SLC35E1: variants seen among roughly 807,000 people sequenced by gnomAD.
The protein encoded by SLC35E1 is solute carrier family 35, member E1.
SLC35E1 carries 12 observed loss-of-function variants against 31.0 expected under a neutral mutation model. The ratio of observed to expected loss-of-function variants is 0.39; its 90% CI spans 0.25 to 0.63. SLC35E1 has a LOEUF of 0.63. Ranked by LOEUF, SLC35E1 falls within the 20% of genes least tolerant of loss-of-function variation. SLC35E1 has a pLI of 0.52. For synonymous variants in SLC35E1, 257 were observed against 264.1 expected, an observed-to-expected ratio of 0.97 and a Z score of 0.26; for missense variants, 429 against 572.2, an observed-to-expected ratio of 0.75 and a Z score of 2.55.
intron 3 of SLC35E1, 25 bp from the exon 4 acceptor site, chr19:16,566,682 G>C: frequency 6.2e-7 from 1 of 1,606,224 alleles, no homozygotes; most frequent in African/African-American, 1.3e-5. Flanking sequence ...CCTCTTTAGA[G>C]GGTGATTAAA....
rs1417956894 is a variant in SLC35E1, at chr19:16,555,120, T to C, written c.1002+32A>G. 2 of 1,612,226 alleles carry C rather than the reference T, an allele frequency of 1.2e-6. No homozygotes were observed. Among genetic ancestry groups the C allele is most frequent in the Non-Finnish European group, 1.7e-6 (2 of 1,178,808 alleles). The stretch of plus-strand genomic sequence containing the variant: ...ACTTCCTGGGTGTTGGGGGGCCGGC[T>C]TCCTTCCCTGCCCAGCCTCTCAGAC... On this transcript the variant is annotated intron_variant, in intron 5 of 5. Transcript: ENST00000595753. The surrounding 1 kb of genome is among the most constrained non-coding windows in gnomAD (Gnocchi z 4.1).
intron 4 of SLC35E1, among the ~76,000 whole-genome samples, chr19:16,557,355 G>A (rs1037367441): frequency 2.0e-5 from 3 of 152,050 alleles, no homozygotes; most frequent in Admixed American, 6.6e-5. Flanking sequence ...CACCGCGCCC[G>A]GCTAATTTTT....
In SLC35E1 at chr19:16,550,360, G is replaced by A. The variant is rs930170107; in HGVS notation, c.*3319C>T. ...AGTGAGGTGGCTGAGAGGAAGGCAG[G>A]CCTGCAGATGAAAGCGTGGGAGTGG... On this transcript the variant is annotated 3_prime_UTR_variant, in exon 6 of 6. Coordinates refer to ENST00000595753, the MANE Select transcript of SLC35E1 (RefSeq NM_024881.5). 9 of 152,522 alleles carry A rather than the reference G, an allele frequency of 5.9e-5. No individual in the cohort carries two copies. Among genetic ancestry groups the A allele is most frequent in the African/African-American group, 2.2e-4 (9 of 41,458 alleles). The allele number at this position is 152,522 out of a possible 1,614,324, so 9.4% of individuals were successfully genotyped here.
chr19:16,571,095 C>CAA (rs57729159), intron 2 of SLC35E1, among the ~76,000 whole-genome samples: 6 of 67,228 alleles, frequency 8.9e-5, no homozygotes, highest in African/African-American at 2.2e-4. Context: ...AACTCCGTCT[C>CAA]AAAAAAAAAA....
In SLC35E1 at chr19:16,566,518, G is replaced by A; in HGVS notation, c.756+14C>T. 1 of 1,612,582 alleles carries A rather than the reference G, an allele frequency of 6.2e-7. No individual in the cohort carries two copies. Among genetic ancestry groups the A allele is most frequent in the Non-Finnish European group, 8.5e-7 (1 of 1,179,988 alleles). On this transcript the variant is annotated intron_variant, in intron 4 of 5. Transcript: ENST00000595753. ...GCCAAGAAAATGGCGTGTTCTTGGT[G>A]CTGTACAACTCACCAAGTCGCTGCT...
intron 4 of SLC35E1, among the ~76,000 whole-genome samples, chr19:16,562,492 T>C (rs999391645): frequency 1.3e-5 from 2 of 152,248 alleles, no homozygotes; most frequent in Non-Finnish European, 2.9e-5. Flanking sequence ...AGTATTTGCA[T>C]GTAATCCATG....
At position 16,572,351 on chromosome 19, in the gene SLC35E1, G is replaced by C; in HGVS notation, c.14C>G (p.Ala5Gly). Residue 5 changes from alanine to glycine, a missense_variant, in exon 1 of 6, where the codon GCG becomes GGG. Ala to Gly is a moderately conservative substitution (Grantham distance 60). Coordinates refer to ENST00000595753, the MANE Select transcript of SLC35E1 (RefSeq NM_024881.5). This position sits in a 1 kb window ranked among gnomAD's most constrained non-coding sequence, Gnocchi z 4.1. Reference sequence around the variant, plus strand: ...CCCCGCGCCGTGGCCCGCGCCCACCGCGGCCGCCGCCATCCTGCCCGAGCG... The same window carrying C: ...CCCCGCGCCGTGGCCCGCGCCCACCCCGGCCGCCGCCATCCTGCCCGAGCG... MAAAAVGAGHGAGGP... is the reference protein window; with the variant it reads MAAAGVGAGHGAGGP... 9.7e-7 allele frequency: 1 copy of C among 1,036,014 alleles called. No individual in the cohort carries two copies. Among genetic ancestry groups the C allele is most frequent in the Non-Finnish European group, 1.2e-6 (1 of 860,222 alleles). 64.2% of individuals were successfully genotyped at this position (1,036,014 alleles called of 1,614,324 possible). A position where few individuals can be genotyped will look rare whatever the true frequency, so the allele number is the denominator to read the frequency against.
chr19:16,566,769 T>C, intron 3 of SLC35E1, 112 bp from the exon 4 acceptor site: 1 of 1,348,828 alleles, frequency 7.4e-7, no homozygotes, highest in Non-Finnish European at 1.0e-6. Flanking sequence ...ACATCTGAGC[T>C]TGGACACCAA....
At chr19:16,571,316 T>TA (rs2085957019) in intron 2 of SLC35E1, among the ~76,000 whole-genome samples, 196 bp downstream of exon 2, 1 of 152,062 alleles carries the variant, frequency 6.6e-6, no homozygotes, top group Admixed American at 6.5e-5. Context: ...GAGGGACACA[T>TA]ACTCCACACA....
intron 2 of SLC35E1, 105 bp from the exon 3 acceptor site, chr19:16,568,274 AC>A (rs1381251215): frequency 5.1e-6 from 7 of 1,368,572 alleles, no homozygotes; most frequent in Non-Finnish European, 5.8e-6. Flanking sequence ...GCAAAGGGAT[AC>A]CACCTAACAC....
chr19:16,567,981 G>GC, intron 3 of SLC35E1, 51 bp downstream of exon 3: 1 of 1,477,996 alleles, frequency 6.8e-7, no homozygotes, highest in Non-Finnish European at 9.0e-7. Context: ...CCAGTTTGCT[G>GC]CCCGCACACC....
chr19:16,565,157 G>A (rs750226013), intron 4 of SLC35E1: 36 of 456,410 alleles, frequency 7.9e-5, no homozygotes, highest in South Asian at 1.1e-4. Context: ...AAGATTCGAC[G>A]TGGAGTAAAT....
intron 2 of SLC35E1, among the ~76,000 whole-genome samples, chr19:16,570,594 G>A (rs1455995820): frequency 6.6e-6 from 1 of 152,154 alleles, no homozygotes; most frequent in African/African-American, 2.4e-5. Context: ...CCCTGGCTTG[G>A]CATCTTGAAC....
chr19:16,571,882 AT>A, intron 1 of SLC35E1, 61 bp downstream of exon 1: 1 of 1,482,578 alleles, frequency 6.7e-7, no homozygotes, highest in Non-Finnish European at 9.1e-7. Flanking sequence ...ACTCCTATCC[AT>A]GCGCCCAAAC....
chr19:16,553,965 AT>A (rs1568270662), intron 5 of SLC35E1, 56 bp from the exon 6 acceptor site: 1 of 1,455,644 alleles, frequency 6.9e-7, no homozygotes, highest in Non-Finnish European at 9.2e-7. Context: ...AGAGCTCGTA[AT>A]TCAAAGTCAA....
rs79605402 is a variant in SLC35E1 at position 16,570,510 on chromosome 19, C to T, written c.492+1002G>A. On this transcript the variant is annotated intron_variant, in intron 2 of 5. Coordinates refer to ENST00000595753, the MANE Select transcript of SLC35E1 (RefSeq NM_024881.5). ...TCCGGCTGAGACAACAAGCGCCCAA[C>T]TTCCACTTAAGAATACGGGATAAAG... Among the ~76,000 whole-genome samples the T allele has an allele frequency of 6.6e-3, 1,012 of 152,322 alleles. 12 individuals are homozygous for T. Among genetic ancestry groups the T allele is most frequent in the African/African-American group, 0.023 (964 of 41,554 alleles).
rs949879006 is a variant in SLC35E1 at position 16,553,458 on chromosome 19, C to T, written c.*221G>A. On this transcript the variant is annotated 3_prime_UTR_variant, in exon 6 of 6. Coordinates refer to ENST00000595753, the MANE Select transcript of SLC35E1 (RefSeq NM_024881.5). ...CTCCAGGAAGAAAGAGCATGAGACACTGGTCTCTGTTTAGGTTTGCCCAGA... is the reference window on the plus strand; with the variant it reads ...CTCCAGGAAGAAAGAGCATGAGACATTGGTCTCTGTTTAGGTTTGCCCAGA... 1 of 381,862 alleles carries T rather than the reference C, an allele frequency of 2.6e-6. No homozygotes were observed. 23.7% of individuals were successfully genotyped at this position (381,862 alleles called of 1,614,324 possible).
intron 4 of SLC35E1, among the ~76,000 whole-genome samples, chr19:16,562,666 A>C (rs774679342): frequency 1.3e-5 from 2 of 152,150 alleles, no homozygotes; most frequent in Non-Finnish European, 2.9e-5. Flanking sequence ...CAGTTGGCTG[A>C]ATCCACTAGT....
Position 16,566,792 on chromosome 19 carries a change from A to G in SLC35E1, c.631-135T>C, listed in dbSNP as rs1161957779. The G allele has an allele frequency of 4.7e-6, 5 of 1,061,556 alleles. No homozygotes were observed. The East Asian group carries it at 9.8e-5, about 21-fold the overall frequency. The allele number at this position is 1,061,556 out of a possible 1,614,324, so 65.8% of individuals were successfully genotyped here. A position where few individuals can be genotyped will look rare whatever the true frequency, so the allele number is the denominator to read the frequency against. On this transcript the variant is annotated intron_variant, in intron 3 of 5. Transcript: ENST00000595753. Reference sequence around the variant, plus strand: ...GCTTGGACACCAAACCTGCAAGTGCATTTGTGAGGACATACACAGCACAGG... The same window carrying G: ...GCTTGGACACCAAACCTGCAAGTGCGTTTGTGAGGACATACACAGCACAGG...
Sources: allele counts gnomAD v4.1 joint callset (sites outside exome capture counted in the v4.1 genomes callset), GRCh38; gene constraint gnomAD v4.1.1; non-coding constraint Gnocchi (gnomAD v3.1); transcripts MANE v1.5; gene names NCBI Gene and HGNC (gene_info 2026-07-23, HGNC 2026-07-21).